JAKMIP1: variants seen among roughly 807,000 people sequenced by gnomAD.
The protein encoded by JAKMIP1 is janus kinase and microtubule-interacting protein 1.
Under a neutral mutation model 113.0 loss-of-function variants are expected in JAKMIP1, and 33 were observed. The observed-to-expected ratio is 0.29, with a 90% CI of 0.22 to 0.39. The LOEUF is 0.39. Ranked by LOEUF, JAKMIP1 falls within the 10% of genes least tolerant of loss-of-function variation. The pLI, the probability that JAKMIP1 is intolerant of heterozygous loss-of-function variation, is 1.00. For missense variants in JAKMIP1, 813 were observed against 1,080.5 expected, an observed-to-expected ratio of 0.75 and a Z score of 3.47; for synonymous variants, 480 against 459.9, an observed-to-expected ratio of 1.04 and a Z score of -0.56.
intron 2 of JAKMIP1, among the ~76,000 whole-genome samples, chr4:6,112,462 A>T (rs560530847): frequency 8.5e-5 from 13 of 152,338 alleles, no homozygotes; most frequent in African/African-American, 3.1e-4. Flanking sequence ...TTCTTCTGAC[A>T]ACCCCCATCT....
In JAKMIP1 at chr4:6,067,608, A is replaced by T. The variant is rs1718301199; in HGVS notation, c.1303-2600T>A. Among the ~76,000 whole-genome samples the T allele has an allele frequency of 6.8e-6, 1 of 146,664 alleles. No individual in the cohort carries two copies. Among genetic ancestry groups the T allele is most frequent in the African/African-American group, 2.6e-5 (1 of 38,328 alleles). On this transcript the variant is annotated intron_variant, in intron 8 of 20. Coordinates refer to ENST00000409021, the MANE Select transcript of JAKMIP1 (RefSeq NM_001099433.2). The surrounding 1 kb of genome is among the most constrained non-coding windows in gnomAD (Gnocchi z 4.6). Reference sequence around the variant, plus strand: ...TCAAGCTCTTCTGCACACACAGGTCACCCCCCTGAGCTCCAGGTTCACTCA... The same window carrying T: ...TCAAGCTCTTCTGCACACACAGGTCTCCCCCCTGAGCTCCAGGTTCACTCA...
chr4:6,069,354 T>C lies in JAKMIP1; in HGVS notation c.1303-4346A>G, dbSNP rs1196301062. Among the ~76,000 whole-genome samples the C allele has an allele frequency of 2.6e-5, 4 of 152,198 alleles. No individual in the cohort carries two copies. The highest frequency in any genetic ancestry group is 9.6e-5 in the African/African-American group (4 of 41,454). On this transcript the variant is annotated intron_variant, in intron 8 of 20. Transcript: ENST00000409021. This position sits in a 1 kb window ranked among gnomAD's most constrained non-coding sequence, Gnocchi z 4.5. Reference sequence around the variant, plus strand: ...CCACCATTTGCTCATTCTGAGCCCATCTACTGAATAAAAAGGTAATTCCTC... The same window carrying C: ...CCACCATTTGCTCATTCTGAGCCCACCTACTGAATAAAAAGGTAATTCCTC...
At chr4:6,096,239 C>T (rs914359399) in intron 3 of JAKMIP1, among the ~76,000 whole-genome samples, 1 of 152,210 alleles carries the variant, frequency 6.6e-6, no homozygotes, top group Non-Finnish European at 1.5e-5. Context: ...GGTATGATAG[C>T]ATCCTGCTGT....
intron 7 of JAKMIP1, among the ~76,000 whole-genome samples, chr4:6,079,388 A>G (rs530870003): frequency 6.6e-6 from 1 of 152,194 alleles, no homozygotes; most frequent in African/African-American, 2.4e-5. Flanking sequence ...GAAAGGAAGA[A>G]AGAGAGAAGT....
At chr4:6,085,136 G>A (rs1289510657) in intron 4 of JAKMIP1, among the ~76,000 whole-genome samples, 171 bp from the exon 5 acceptor site, 1 of 152,098 alleles carries the variant, frequency 6.6e-6, no homozygotes, top group Non-Finnish European at 1.5e-5. Flanking sequence ...CACACCTGCG[G>A]AAGACTCCAT....
chr4:6,106,090 G>A lies in JAKMIP1; in HGVS notation c.130-123C>T, dbSNP rs767889430. 1.5e-6 allele frequency: 1 copy of A among 651,962 alleles called. No individual in the cohort carries two copies. The highest frequency in any genetic ancestry group is 2.6e-6 in the Non-Finnish European group (1 of 384,186). 40.4% of individuals were successfully genotyped at this position (651,962 alleles called of 1,614,324 possible). ...GCCCAAGACACCCACCTGGGCCCACGTTCCCATGGATTCCCCCTTCGGCAG... is the reference window on the plus strand; with the variant it reads ...GCCCAAGACACCCACCTGGGCCCACATTCCCATGGATTCCCCCTTCGGCAG... On this transcript the variant is annotated intron_variant, in intron 2 of 20. Transcript: ENST00000409021. The surrounding 1 kb of genome is among the most constrained non-coding windows in gnomAD (Gnocchi z 5.9).
At chr4:6,161,226 T>C (rs1399334142) in intron 1 of JAKMIP1, among the ~76,000 whole-genome samples, 3 of 139,098 alleles carry the variant, frequency 2.2e-5, no homozygotes, top group South Asian at 2.4e-4. Context: ...CTCATCTCCC[T>C]GACCTCCACT....
chr4:6,188,002 G>T lies in JAKMIP1; in HGVS notation c.-148+12251C>A, dbSNP rs1389531695. Among the ~76,000 whole-genome samples, 1 of 152,104 alleles carries T rather than the reference G, an allele frequency of 6.6e-6. No homozygotes were observed. The highest frequency in any genetic ancestry group is 6.5e-5 in the Admixed American group (1 of 15,278). ...AGTCAGGAGCAAGGACTTCAAAGAG[G>T]TATTTCTTTTAAATGTAGATAGCAG... is the stretch of plus-strand genomic sequence containing the variant. On this transcript the variant is annotated intron_variant, in intron 1 of 20. Coordinates refer to ENST00000409021, the MANE Select transcript of JAKMIP1 (RefSeq NM_001099433.2). This position sits in a 1 kb window ranked among gnomAD's most constrained non-coding sequence, Gnocchi z 5.8.
In JAKMIP1 at chr4:6,167,862, T is replaced by G. The variant is rs372046804; in HGVS notation, c.-148+32391A>C. ...GCACTGAATGCTTCGGTTTAGAGCATGCCAGAAATCAGAGCTGGCTAGGAC... is the reference window on the plus strand; with the variant it reads ...GCACTGAATGCTTCGGTTTAGAGCAGGCCAGAAATCAGAGCTGGCTAGGAC... On this transcript the variant is annotated intron_variant, in intron 1 of 20. Coordinates refer to ENST00000409021, the MANE Select transcript of JAKMIP1 (RefSeq NM_001099433.2). This position sits in a 1 kb window ranked among gnomAD's most constrained non-coding sequence, Gnocchi z 5.3. 6.6e-6 allele frequency among the ~76,000 whole-genome samples: 1 copy of G among 152,238 alleles called. No homozygotes were observed. Among genetic ancestry groups the G allele is most frequent in the Admixed American group, 6.5e-5 (1 of 15,292 alleles).
In JAKMIP1 at chr4:6,157,420, T is replaced by C. The variant is rs983755393; in HGVS notation, c.-148+42833A>G. Among the ~76,000 whole-genome samples, 6 of 152,234 alleles carry C rather than the reference T, an allele frequency of 3.9e-5. No individual in the cohort carries two copies. Among genetic ancestry groups the C allele is most frequent in the Non-Finnish European group, 5.9e-5 (4 of 68,036 alleles). ...GCTCTCTGAAAAGCAGCAATTTCTA[T>C]GGTAATTCAGGTAATTTGTGATATT... On this transcript the variant is annotated intron_variant, in intron 1 of 20. Coordinates refer to ENST00000409021, the MANE Select transcript of JAKMIP1 (RefSeq NM_001099433.2). This position sits in a 1 kb window ranked among gnomAD's most constrained non-coding sequence, Gnocchi z 4.7.
chr4:6,034,506 A>G (rs576493468), intron 19 of JAKMIP1, among the ~76,000 whole-genome samples: 1 of 152,290 alleles, frequency 6.6e-6, no homozygotes, highest in Non-Finnish European at 1.5e-5. Flanking sequence ...TATTTGGTCA[A>G]ATATTCTAGA....
In JAKMIP1 at chr4:6,081,221, T is replaced by C. The variant is rs192322579; in HGVS notation, c.1101+388A>G. Reference sequence around the variant, plus strand: ...CTCTGCAGAGCATCGCCAGCGATCATTGTAACAGCTTTCACTTGCTGGGTG... The same window carrying C: ...CTCTGCAGAGCATCGCCAGCGATCACTGTAACAGCTTTCACTTGCTGGGTG... On this transcript the variant is annotated intron_variant, in intron 6 of 20. Coordinates refer to ENST00000409021, the MANE Select transcript of JAKMIP1 (RefSeq NM_001099433.2). The surrounding 1 kb of genome is among the most constrained non-coding windows in gnomAD (Gnocchi z 4.6). Among the ~76,000 whole-genome samples the C allele has an allele frequency of 6.5e-4, 99 of 152,322 alleles. 1 individual carries two copies. The highest frequency in any genetic ancestry group is 2.2e-3 in the African/African-American group (90 of 41,578).
rs560482012 is a variant in JAKMIP1, at chr4:6,033,257, C to T, written c.2379+2647G>A. ...AGGTGAAATACAATGGTAATGTCCA[C>T]AGCAAACTGGGAGACTGGGAGGGTC... On this transcript the variant is annotated intron_variant, in intron 19 of 20. Coordinates refer to ENST00000409021, the MANE Select transcript of JAKMIP1 (RefSeq NM_001099433.2). Among the ~76,000 whole-genome samples, 10 of 152,280 alleles carry T rather than the reference C, an allele frequency of 6.6e-5. No homozygotes were observed. The East Asian group carries it at 1.9e-3, about 29-fold the overall frequency.
At position 6,142,436 on chromosome 4, in the gene JAKMIP1, CAA is replaced by C. The variant is rs1279435505; in HGVS notation, c.-147-29441_-147-29440del. Among the ~76,000 whole-genome samples, 1 of 152,190 alleles carries C rather than the reference CAA, an allele frequency of 6.6e-6. No homozygotes were observed. The highest frequency in any genetic ancestry group is 2.4e-5 in the African/African-American group (1 of 41,444). On this transcript the variant is annotated intron_variant, in intron 1 of 20. Transcript: ENST00000409021. This position sits in a 1 kb window ranked among gnomAD's most constrained non-coding sequence, Gnocchi z 5.5. ...AACGACTGGTTTTTGCACCTCCAGC[CAA>C]AGTCTTACATGAACTTGTCACATGA...
In JAKMIP1 at chr4:6,181,822, G is replaced by T. The variant is rs944162778; in HGVS notation, c.-148+18431C>A. 3.6e-4 allele frequency among the ~76,000 whole-genome samples: 55 copies of T among 152,230 alleles called. No homozygotes were observed. The highest frequency in any genetic ancestry group is 3.1e-3 in the Admixed American group (48 of 15,290). On this transcript the variant is annotated intron_variant, in intron 1 of 20. Coordinates refer to ENST00000409021, the MANE Select transcript of JAKMIP1 (RefSeq NM_001099433.2). The surrounding 1 kb of genome is among the most constrained non-coding windows in gnomAD (Gnocchi z 5.4). ...CCCTCACAGAGCTCTAGCCAGCGGG[G>T]AAGAAGACTGTGAATGGCATCAGTC...
At chr4:6,170,205 T>A (rs865782368) in intron 1 of JAKMIP1, among the ~76,000 whole-genome samples, 2 of 128,750 alleles carry the variant, frequency 1.6e-5, no homozygotes, top group East Asian at 2.7e-4. Flanking sequence ...ACCACCATCA[T>A]TGTCAAGACC....
rs570711164 is a variant in JAKMIP1 at position 6,053,091 on chromosome 4, C to T, written c.1806+959G>A. On this transcript the variant is annotated intron_variant, in intron 13 of 20. Coordinates refer to ENST00000409021, the MANE Select transcript of JAKMIP1 (RefSeq NM_001099433.2). Reference sequence around the variant, plus strand: ...TTTCAGCTGAGAGACAGCAGAGCTGCGCCACTACAGGTGCTTAGAGAAACT... The same window carrying T: ...TTTCAGCTGAGAGACAGCAGAGCTGTGCCACTACAGGTGCTTAGAGAAACT... Among the ~76,000 whole-genome samples, 9 of 152,302 alleles carry T rather than the reference C, an allele frequency of 5.9e-5. No individual in the cohort carries two copies. In the South Asian group the frequency reaches 6.2e-4, roughly 11 times the overall value.
In JAKMIP1 at chr4:6,097,394, CAT is replaced by C. The variant is rs1415338734; in HGVS notation, c.624+8077_624+8078del. ...GGAGAAGATAATGTGCTCATGGTAA[CAT>C]GTGAGCTTGCTTGCATGGGGAGTCT... On this transcript the variant is annotated intron_variant, in intron 3 of 20. Coordinates refer to ENST00000409021, the MANE Select transcript of JAKMIP1 (RefSeq NM_001099433.2). The surrounding 1 kb of genome is among the most constrained non-coding windows in gnomAD (Gnocchi z 4.3). 2.6e-5 allele frequency among the ~76,000 whole-genome samples: 4 copies of C among 152,220 alleles called. No individual in the cohort carries two copies. The highest frequency in any genetic ancestry group is 4.4e-5 in the Non-Finnish European group (3 of 68,050).
chr4:6,116,563 TC>T lies in JAKMIP1; in HGVS notation c.-147-3567del, dbSNP rs546892421. ...AGGCCAAGGTTGGCAAATATTCATCTCCCGCAAACCAGTCCTGTTGGCCCCA... is the reference window on the plus strand; with the variant it reads ...AGGCCAAGGTTGGCAAATATTCATCTCCGCAAACCAGTCCTGTTGGCCCCA... On this transcript the variant is annotated intron_variant, in intron 1 of 20. Transcript: ENST00000409021. This position sits in a 1 kb window ranked among gnomAD's most constrained non-coding sequence, Gnocchi z 5.1. Among the ~76,000 whole-genome samples, 1,049 of 152,246 alleles carry T rather than the reference TC, an allele frequency of 6.9e-3. 9 individuals carry two copies. The highest frequency in any genetic ancestry group is 0.024 in the African/African-American group (996 of 41,542).
Sources: allele counts gnomAD v4.1 joint callset (sites outside exome capture counted in the v4.1 genomes callset), GRCh38; gene constraint gnomAD v4.1.1; non-coding constraint Gnocchi (gnomAD v3.1); transcripts MANE v1.5; gene names NCBI Gene and HGNC (gene_info 2026-07-23, HGNC 2026-07-21).